Variants in CTNND2 observed in about 807,000 individuals in gnomAD.
CTNND2 encodes the protein catenin delta-2.
In CTNND2, 22 loss-of-function variants were observed where a neutral mutation model predicts 144.4. The observed-to-expected ratio is 0.15, with a 90% confidence interval of 0.11 to 0.22. CTNND2 has a LOEUF of 0.22. CTNND2 is among the 10% of genes least tolerant of loss of function. The pLI is 1.00. For synonymous variants in CTNND2, 751 were observed against 695.6 expected (o/e 1.08, Z -1.25); for missense variants, 1,353 against 1,618.8 (o/e 0.84, Z 2.82).
intron 2 of CTNND2, among the ~76,000 whole-genome samples, chr5:11,586,507 A>T (rs1778872424): frequency 6.6e-6 from 1 of 152,238 alleles, no homozygotes; most frequent in African/African-American, 2.4e-5. Flanking sequence ...CACGTTAATA[A>T]GCTACCTGTA....
Position 11,427,183 on chromosome 5 carries a change from A to G in CTNND2, c.288-15114T>C, listed in dbSNP as rs569609139. Among the ~76,000 whole-genome samples, 12 of 152,258 alleles carry G rather than the reference A, an allele frequency of 7.9e-5. No individual in the cohort carries two copies. The East Asian group carries it at 1.7e-3, about 22-fold the overall frequency. On this transcript the variant is annotated intron_variant, in intron 3 of 21. Coordinates refer to ENST00000304623, the MANE Select transcript of CTNND2 (RefSeq NM_001332.4). ...AATTATATTAAATAGTATGTAAAAA[A>G]CAACACTATGACGAGTTGAGAGCAA...
chr5:11,199,452 G>A lies in CTNND2; in HGVS notation c.1971C>T (p.Val657=). ...TAATTTAATAATGATTCTAACCTGT[G>A]ACCAGCTCCCGGATCTCCAGGTCAG... ...KTTDLEIREL[V]TGVLWNLSSC... The change falls in exon 11 of 22, where the codon GTC becomes GTT. Residue 657 remains valine, a synonymous_variant. Transcript: ENST00000304623. 1 of 1,613,400 alleles carries A rather than the reference G, an allele frequency of 6.2e-7. No homozygotes were observed. The highest frequency in any genetic ancestry group is 8.5e-7 in the Non-Finnish European group (1 of 1,179,396).
chr5:11,341,368 C>T (rs1161106745), intron 9 of CTNND2, among the ~76,000 whole-genome samples: 1 of 152,192 alleles, frequency 6.6e-6, no homozygotes. Context: ...GGGCCTGTTG[C>T]TCAAGGCATT....
intron 3 of CTNND2, among the ~76,000 whole-genome samples, chr5:11,537,404 T>C (rs1774308321): frequency 6.6e-6 from 1 of 152,170 alleles, no homozygotes; most frequent in African/African-American, 2.4e-5. Flanking sequence ...TAACTCCTTA[T>C]ACAACTGAGA....
At chr5:11,512,280 T>G (rs969062833) in intron 3 of CTNND2, among the ~76,000 whole-genome samples, 2 of 152,256 alleles carry the variant, frequency 1.3e-5, no homozygotes, top group African/African-American at 4.8e-5. Context: ...GGTTCAGTCC[T>G]CAAATCCTAT....
intron 16 of CTNND2, among the ~76,000 whole-genome samples, chr5:11,078,733 T>C (rs1749213498): frequency 6.6e-6 from 1 of 152,214 alleles, no homozygotes; most frequent in Admixed American, 6.5e-5. Context: ...TAGGATTTTA[T>C]TGGGAATCCC....
In CTNND2 at chr5:11,338,648, T is replaced by G. The variant is rs549376360; in HGVS notation, c.1628+7724A>C. On this transcript the variant is annotated intron_variant, in intron 9 of 21. Coordinates refer to ENST00000304623, the MANE Select transcript of CTNND2 (RefSeq NM_001332.4). Reference sequence around the variant, plus strand: ...CCACATGATATCATGGAGGCCCCTATGCCAGAACCTGCCTTAGTATAAATT... The same window carrying G: ...CCACATGATATCATGGAGGCCCCTAGGCCAGAACCTGCCTTAGTATAAATT... 2.4e-4 allele frequency among the ~76,000 whole-genome samples: 36 copies of G among 152,332 alleles called. 1 individual carries two copies. Among genetic ancestry groups the G allele is most frequent in the Middle Eastern group, 6.8e-3 (2 of 294 alleles).
rs538762259 is a variant in CTNND2, at chr5:11,259,053, G to T, written c.1629-22230C>A. ...TGCCCTGAAGGTATTTTGTAGCTAG[G>T]ATTACCATCTACAATCAGTTGACTT... On this transcript the variant is annotated intron_variant, in intron 9 of 21. Coordinates refer to ENST00000304623, the MANE Select transcript of CTNND2 (RefSeq NM_001332.4). 9.2e-5 allele frequency among the ~76,000 whole-genome samples: 14 copies of T among 152,252 alleles called. No homozygotes were observed. The South Asian group carries it at 2.5e-3, about 27-fold the overall frequency.
intron 2 of CTNND2, among the ~76,000 whole-genome samples, chr5:11,711,008 C>G (rs112966956): frequency 1.3e-5 from 2 of 152,226 alleles, no homozygotes; most frequent in Admixed American, 6.5e-5. Flanking sequence ...CTTATTGACT[C>G]TAATTATCAA....
At chr5:11,485,229 A>G (rs1298962477) in intron 3 of CTNND2, among the ~76,000 whole-genome samples, 2 of 152,204 alleles carry the variant, frequency 1.3e-5, no homozygotes, top group Admixed American at 1.3e-4. Flanking sequence ...TGTTATTGGA[A>G]GAGTGAAAAC....
In CTNND2 at chr5:11,117,550, C is replaced by T; in HGVS notation, c.2177G>A (p.Gly726Glu). ...TCTCATCCTTCTGCGGGCCTCCTCTCCGGCCGAACTAACATTCCTGCAAAG... is the reference window on the plus strand; with the variant it reads ...TCTCATCCTTCTGCGGGCCTCCTCTTCGGCCGAACTAACATTCCTGCAAAG... The part of the protein sequence containing the change: ...TGCLRNVSSA[G>E]EEARRRMREC... Residue 726 changes from glycine (G) to glutamate (E), a missense_variant, in exon 13 of 22, where the codon GGA (glycine) becomes GAA (glutamate). Coordinates refer to ENST00000304623, the MANE Select transcript of CTNND2 (RefSeq NM_001332.4). 2 of 1,614,132 alleles carry T rather than the reference C, an allele frequency of 1.2e-6. No homozygotes were observed. The highest frequency in any genetic ancestry group is 1.7e-6 in the Non-Finnish European group (2 of 1,179,968).
intron 2 of CTNND2, among the ~76,000 whole-genome samples, chr5:11,639,918 C>G (rs1012693403): frequency 1.5e-4 from 23 of 152,294 alleles, no homozygotes; most frequent in African/African-American, 5.5e-4. Context: ...CAATGAAAGT[C>G]TGGCTGGAAT....
chr5:11,641,947 C>T (rs1782087636), intron 2 of CTNND2, among the ~76,000 whole-genome samples: 1 of 152,042 alleles, frequency 6.6e-6, no homozygotes, highest in African/African-American at 2.4e-5. Flanking sequence ...TAAAGCTGTT[C>T]ATTGATTCCA....
chr5:11,368,583 T>A (rs1291650276), intron 7 of CTNND2, among the ~76,000 whole-genome samples: 1 of 152,198 alleles, frequency 6.6e-6, no homozygotes, highest in Non-Finnish European at 1.5e-5. Flanking sequence ...ACAACTACTA[T>A]GAAGAATCAT....
chr5:11,096,271 C>T (rs1351463957), intron 15 of CTNND2, among the ~76,000 whole-genome samples: 2 of 152,146 alleles, frequency 1.3e-5, no homozygotes, highest in African/African-American at 2.4e-5. Flanking sequence ...CACCCATCAA[C>T]CGTTATCTAC....
chr5:11,582,966 T>G (rs1778558237), intron 2 of CTNND2, among the ~76,000 whole-genome samples: 1 of 152,172 alleles, frequency 6.6e-6, no homozygotes, highest in African/African-American at 2.4e-5. Context: ...CACTAAGAAT[T>G]TTGGATCTCA....
rs369601460 is a variant in CTNND2 at position 11,353,504 on chromosome 5, T to C, written c.1373-6877A>G. On this transcript the variant is annotated intron_variant, in intron 8 of 21. Transcript: ENST00000304623. ...AATCCCTATTACCTAGATAATTGGC[T>C]CCATCATAATATTCCTAGGGCTGGG... Among the ~76,000 whole-genome samples, 6 of 152,330 alleles carry C rather than the reference T, an allele frequency of 3.9e-5. No homozygotes were observed. In the East Asian group the frequency reaches 9.7e-4, roughly 25 times the overall value.
chr5:11,599,110 C>T (rs1358393497), intron 2 of CTNND2, among the ~76,000 whole-genome samples: 1 of 152,156 alleles, frequency 6.6e-6, no homozygotes, highest in Non-Finnish European at 1.5e-5. Context: ...GGTGCTAAGG[C>T]ATTTGAAACC....
At position 11,305,575 on chromosome 5, in the gene CTNND2, G is replaced by A. The variant is rs926505385; in HGVS notation, c.1628+40797C>T. The stretch of plus-strand genomic sequence containing the variant: ...ACTCACAGCACCCTCCCTCTCACAC[G>A]TCCTCCTTATAAAAATGTCCCTCAG... On this transcript the variant is annotated intron_variant, in intron 9 of 21. Coordinates refer to ENST00000304623, the MANE Select transcript of CTNND2 (RefSeq NM_001332.4). Among the ~76,000 whole-genome samples the A allele has an allele frequency of 1.6e-4, 24 of 152,056 alleles. 1 individual carries two copies. The highest frequency in any genetic ancestry group is 1.2e-3 in the Admixed American group (18 of 15,260).
Sources: gnomAD v4.1 joint callset for allele counts (sites outside exome capture counted in the v4.1 genomes callset) on GRCh38, gnomAD v4.1.1 for gene constraint, MANE v1.5 for transcripts, NCBI Gene and HGNC (gene_info 2026-07-23, HGNC 2026-07-21) for gene names.